Variants in MMS22L observed in about 807,000 individuals in gnomAD.
MMS22L encodes the protein MMS22 like, DNA repair protein.
A neutral mutation model predicts 159.1 loss-of-function variants in MMS22L; 74 were observed. The observed-to-expected ratio is 0.47, with a 90% CI of 0.39 to 0.56. The LOEUF (loss-of-function observed/expected upper bound fraction) is 0.56. Among genes scored for constraint, MMS22L ranks in the 20% least tolerant of loss-of-function variants. MMS22L has a pLI of 0.00. For synonymous variants in MMS22L, 517 were observed against 506.9 expected, an observed-to-expected ratio of 1.02 and a Z score of -0.27; for missense variants, 1,351 against 1,422.1, an observed-to-expected ratio of 0.95 and a Z score of 0.80.
rs1393074953 is a variant in MMS22L at position 97,145,059 on chromosome 6, C to CAAAA, written c.*1746_*1747insTTTT. Reference sequence around the variant, plus strand: ...ACACACACACACACACACACACACACACACACAAAAACACATATACACATA... The same window carrying CAAAA: ...ACACACACACACACACACACACACACAAAAACACACAAAAACACATATACACATA... On this transcript the variant is annotated 3_prime_UTR_variant, in exon 25 of 25. Transcript: ENST00000683635. 6.8e-6 allele frequency: 1 copy of CAAAA among 146,374 alleles called. No homozygotes were observed. Among genetic ancestry groups the CAAAA allele is most frequent in the African/African-American group, 2.6e-5 (1 of 37,818 alleles). 9.1% of individuals were successfully genotyped at this position (146,374 alleles called of 1,614,324 possible).
intron 14 of MMS22L, among the ~76,000 whole-genome samples, chr6:97,198,955 G>A (rs751226046): frequency 3.9e-5 from 6 of 151,942 alleles, no homozygotes; most frequent in Non-Finnish European, 5.9e-5. Flanking sequence ...GTTTTCCCTA[G>A]ATGTAAGGTA....
In MMS22L at chr6:97,142,913, CT is replaced by C. The variant is rs1422958769; in HGVS notation, c.*3892del. ...TCACAAATATTTTCTTATACAGATG[CT>C]GAGGTAGAAAAAGTCAAATATGCTT... On this transcript the variant is annotated 3_prime_UTR_variant, in exon 25 of 25. Coordinates refer to ENST00000683635, the MANE Select transcript of MMS22L (RefSeq NM_001350599.2). 1 of 152,310 alleles carries C rather than the reference CT, an allele frequency of 6.6e-6. No homozygotes were observed. Among genetic ancestry groups the C allele is most frequent in the Non-Finnish European group, 1.5e-5 (1 of 67,976 alleles). 9.4% of individuals were successfully genotyped at this position (152,310 alleles called of 1,614,324 possible).
At chr6:97,209,666 T>C (rs1390038787) in intron 14 of MMS22L, among the ~76,000 whole-genome samples, 1 of 152,036 alleles carries the variant, frequency 6.6e-6, no homozygotes, top group East Asian at 1.9e-4. Context: ...ATTATGTCTC[T>C]ATCGAAAAAG....
intron 14 of MMS22L, among the ~76,000 whole-genome samples, chr6:97,221,915 A>C (rs1809700806): frequency 6.6e-6 from 1 of 152,110 alleles, no homozygotes; most frequent in Non-Finnish European, 1.5e-5. Context: ...GTTTGTTGTA[A>C]ACTGTCAATA....
At chr6:97,181,015 A>G (rs1014964255) in intron 16 of MMS22L, among the ~76,000 whole-genome samples, 1 of 152,210 alleles carries the variant, frequency 6.6e-6, no homozygotes, top group Non-Finnish European at 1.5e-5. Context: ...AAACCTACAC[A>G]TATGCCATGT....
intron 18 of MMS22L, among the ~76,000 whole-genome samples, chr6:97,174,886 T>C (rs2128260333): frequency 6.6e-6 from 1 of 152,316 alleles, no homozygotes; most frequent in Middle Eastern, 3.4e-3. Flanking sequence ...AGAAAGTCAG[T>C]GAACCTAAAT....
intron 14 of MMS22L, among the ~76,000 whole-genome samples, chr6:97,221,210 T>A (rs1226719633): frequency 6.6e-6 from 1 of 152,114 alleles, no homozygotes; most frequent in Non-Finnish European, 1.5e-5. Context: ...ATTTTACAAA[T>A]AAGTAAGTCA....
intron 17 of MMS22L, 111 bp downstream of exon 17, chr6:97,179,297 C>A: frequency 3.4e-6 from 3 of 890,562 alleles, no homozygotes; most frequent in Non-Finnish European, 4.9e-6. Flanking sequence ...TATTCATACC[C>A]AATTACGAAT....
chr6:97,207,718 C>T (rs1807933480), intron 14 of MMS22L, among the ~76,000 whole-genome samples: 2 of 152,110 alleles, frequency 1.3e-5, no homozygotes, highest in Admixed American at 6.5e-5. Flanking sequence ...GAAGAGACAA[C>T]AAATACATAG....
Position 97,281,741 on chromosome 6 carries a change from T to C in MMS22L, c.165-379A>G, listed in dbSNP as rs556601302. On this transcript the variant is annotated intron_variant, in intron 2 of 24. Transcript: ENST00000683635. ...GGAGAATAGTATCCAACTAATGAAGTTGAGTATTCTATTTAAGATTTCTAA... is the reference window on the plus strand; with the variant it reads ...GGAGAATAGTATCCAACTAATGAAGCTGAGTATTCTATTTAAGATTTCTAA... 3.1e-4 allele frequency among the ~76,000 whole-genome samples: 47 copies of C among 152,336 alleles called. No homozygotes were observed. In the South Asian group the frequency reaches 7.9e-3, roughly 26 times the overall value.
At position 97,254,753 on chromosome 6, in the gene MMS22L, T is replaced by C; in HGVS notation, c.943-20A>G. On this transcript the variant is annotated intron_variant, in intron 9 of 24. Coordinates refer to ENST00000683635, the MANE Select transcript of MMS22L (RefSeq NM_001350599.2). The stretch of plus-strand genomic sequence containing the variant: ...AAATGACTATAGAAACAGAAGTAAT[T>C]TGATTCCATTAAGACAGTTTCAATA... The C allele has an allele frequency of 6.4e-7, 1 of 1,564,754 alleles. No individual in the cohort carries two copies. The highest frequency in any genetic ancestry group is 1.2e-5 in the South Asian group (1 of 82,562).
intron 21 of MMS22L, among the ~76,000 whole-genome samples, chr6:97,162,631 T>C (rs1802564536): frequency 6.6e-6 from 1 of 151,994 alleles, no homozygotes; most frequent in Admixed American, 6.6e-5. Flanking sequence ...CAGAGGACTG[T>C]CCTAGGAATA....
chr6:97,240,315 A>G (rs1299576973), intron 11 of MMS22L, among the ~76,000 whole-genome samples: 1 of 152,216 alleles, frequency 6.6e-6, no homozygotes, highest in Non-Finnish European at 1.5e-5. Context: ...CTCTTTTCCC[A>G]TAGGAAAGAT....
At chr6:97,185,940 T>G (rs1805180068) in intron 15 of MMS22L, among the ~76,000 whole-genome samples, 1 of 152,056 alleles carries the variant, frequency 6.6e-6, no homozygotes, top group African/African-American at 2.4e-5. Context: ...ATATTCAAAT[T>G]CTTACCTATA....
intron 18 of MMS22L, among the ~76,000 whole-genome samples, chr6:97,174,597 T>C (rs550012942): frequency 1.3e-5 from 2 of 152,234 alleles, no homozygotes; most frequent in South Asian, 2.1e-4. Context: ...AATGTTGTCC[T>C]AGGATAACAG....
At chr6:97,239,102 G>A (rs542603787) in intron 11 of MMS22L, among the ~76,000 whole-genome samples, 25 of 151,182 alleles carry the variant, frequency 1.7e-4, no homozygotes, top group Non-Finnish European at 3.5e-4. Flanking sequence ...TTTATTTTTA[G>A]GAGAGAATAG....
intron 15 of MMS22L, 121 bp from the exon 16 acceptor site, chr6:97,182,175 T>C: frequency 1.3e-6 from 1 of 799,344 alleles, no homozygotes; most frequent in Non-Finnish European, 1.9e-6. Flanking sequence ...TAATAAAATG[T>C]TCTACTTAGA....
chr6:97,274,023 C>G (rs1308905644), intron 4 of MMS22L, among the ~76,000 whole-genome samples: 2 of 152,158 alleles, frequency 1.3e-5, no homozygotes, highest in Non-Finnish European at 2.9e-5. Context: ...GCCTTTCTCC[C>G]AACCTCACTC....
In MMS22L at chr6:97,162,097, A is replaced by T. The variant is rs1392095772; in HGVS notation, c.3290T>A (p.Leu1097His). The T allele has an allele frequency of 6.2e-7, 1 of 1,612,282 alleles. No homozygotes were observed. Among genetic ancestry groups the T allele is most frequent in the South Asian group, 1.1e-5 (1 of 90,932 alleles). ...TGTGTTAGTTTCCTTGAAGAGTTGG[A>T]GGATGAAGGCCAGAATGGATGCTAA... ...PRLASILAFI[L>H]QLFKETNTDI... Residue 1097 changes from leucine to histidine, a missense_variant, in exon 22 of 25, where the codon CTC becomes CAC. Leu to His is a moderately conservative substitution (Grantham distance 99). Transcript: ENST00000683635.
Sources: gnomAD v4.1 joint callset for allele counts (sites outside exome capture counted in the v4.1 genomes callset) on GRCh38, gnomAD v4.1.1 for gene constraint, MANE v1.5 for transcripts, NCBI Gene and HGNC (gene_info 2026-07-23, HGNC 2026-07-21) for gene names.